Variants in SH2D4A observed in about 807,000 individuals in gnomAD.
SH2D4A encodes the protein SH2 domain containing 4A.
In SH2D4A, 70 loss-of-function variants were observed where a neutral mutation model predicts 64.7. That is an observed-to-expected ratio of 1.08 (90% CI 0.89 to 1.32). The LOEUF (loss-of-function observed/expected upper bound fraction) is 1.32. SH2D4A is among the 40% of genes most tolerant of loss of function. The pLI is 0.00. For missense variants in SH2D4A, 706 were observed against 540.1 expected (o/e 1.31, Z -3.04); for synonymous variants, 268 against 200.7 (o/e 1.34, Z -2.83).
At position 19,357,141 on chromosome 8, in the gene SH2D4A, A is replaced by T. The variant is rs1044238688; in HGVS notation, c.514-62A>T. The T allele has an allele frequency of 2.8e-4, 375 of 1,316,660 alleles. 4 individuals are homozygous for T. The South Asian group carries it at 3.2e-3, about 11-fold the overall frequency. The allele number at this position is 1,316,660 out of a possible 1,614,324, so 81.6% of individuals were successfully genotyped here. ...AGGGAAACCAGGGAAACATTGACAG[A>T]TTATCTTATGAAACTGCACTGCAGC... On this transcript the variant is annotated intron_variant, in intron 4 of 9. Transcript: ENST00000265807.
Position 19,333,109 on chromosome 8 carries a change from G to A in SH2D4A, c.336G>A (p.Glu112=), listed in dbSNP as rs768413855. The A allele has an allele frequency of 5.0e-6, 8 of 1,609,352 alleles. No individual in the cohort carries two copies. In the Admixed American group the frequency reaches 1.4e-4, roughly 27 times the overall value. The change falls in exon 3 of 10, where the codon GAG becomes GAA. Residue 112 remains glutamate (E), a synonymous_variant. Transcript: ENST00000265807. ...ARLKAEQEAE[E]PRKTHSEEFT... is the part of the protein sequence containing the mutation. Reference sequence around the variant, plus strand: ...TGAAAGCAGAACAGGAGGCAGAAGAGCCCAGGTATGAGATCTGCAAACCAA... The same window carrying A: ...TGAAAGCAGAACAGGAGGCAGAAGAACCCAGGTATGAGATCTGCAAACCAA...
intron 1 of SH2D4A, among the ~76,000 whole-genome samples, chr8:19,317,072 TG>T (rs1227775388): frequency 6.6e-6 from 1 of 152,182 alleles, no homozygotes; most frequent in Non-Finnish European, 1.5e-5. Flanking sequence ...GCATTCAAAA[TG>T]GGGAACACAG....
At chr8:19,354,279 G>A (rs2052755726) in intron 4 of SH2D4A, among the ~76,000 whole-genome samples, 1 of 152,110 alleles carries the variant, frequency 6.6e-6, no homozygotes, top group Admixed American at 6.6e-5. Flanking sequence ...GGGATTACAG[G>A]CATGAGCCAC....
chr8:19,366,461 CT>C (rs1364704399), intron 7 of SH2D4A, among the ~76,000 whole-genome samples: 3 of 152,142 alleles, frequency 2.0e-5, no homozygotes, highest in Non-Finnish European at 4.4e-5. Flanking sequence ...ACCATCCCCC[CT>C]ACTCTCCCCA....
chr8:19,366,018 CTA>C (rs35704805), intron 7 of SH2D4A, among the ~76,000 whole-genome samples: 15 of 150,038 alleles, frequency 1.0e-4, no homozygotes, highest in South Asian at 8.4e-4. Context: ...ATATGTACAA[CTA>C]TATATATATA....
chr8:19,339,096 A>G (rs1303506354), intron 4 of SH2D4A, among the ~76,000 whole-genome samples: 1 of 152,258 alleles, frequency 6.6e-6, no homozygotes, highest in Non-Finnish European at 1.5e-5. Flanking sequence ...AACCACTGGC[A>G]TAAATCCAAG....
chr8:19,315,829 A>C (rs2052078724), intron 1 of SH2D4A, among the ~76,000 whole-genome samples: 1 of 152,162 alleles, frequency 6.6e-6, no homozygotes, highest in Non-Finnish European at 1.5e-5. Flanking sequence ...TAATTTCCTG[A>C]TTTCTATTTC....
At chr8:19,366,348 T>G (rs927909708) in intron 7 of SH2D4A, among the ~76,000 whole-genome samples, 2 of 152,204 alleles carry the variant, frequency 1.3e-5, no homozygotes, top group African/African-American at 2.4e-5. Flanking sequence ...AAGTATGTAG[T>G]ACATTACTGT....
intron 5 of SH2D4A, among the ~76,000 whole-genome samples, chr8:19,357,679 G>C (rs2052814683): frequency 6.6e-6 from 1 of 152,198 alleles, no homozygotes; most frequent in Admixed American, 6.5e-5. Context: ...AGGGTGAGCA[G>C]CTGCTGTGTC....
At chr8:19,368,200 C>G (rs567881683) in intron 7 of SH2D4A, among the ~76,000 whole-genome samples, 1 of 152,060 alleles carries the variant, frequency 6.6e-6, no homozygotes, top group East Asian at 1.9e-4. Flanking sequence ...GTTCTTTATT[C>G]TGTTTCATTG....
rs118049500 is a variant in SH2D4A, at chr8:19,393,131, T to G, written c.1049-187T>G. The stretch of plus-strand genomic sequence containing the variant: ...TATACAGTTTGCCTCTATAACCTGT[T>G]CATGTCTAATTAGCAAATACCAGAA... On this transcript the variant is annotated intron_variant, in intron 8 of 9. Coordinates refer to ENST00000265807, the MANE Select transcript of SH2D4A (RefSeq NM_022071.4). 3.9e-3 allele frequency among the ~76,000 whole-genome samples: 600 copies of G among 152,308 alleles called. 2 individuals are homozygous for G. Among genetic ancestry groups the G allele is most frequent in the Non-Finnish European group, 7.1e-3 (486 of 68,024 alleles).
chr8:19,391,514 C>T (rs1211001696), intron 8 of SH2D4A, among the ~76,000 whole-genome samples: 1 of 152,128 alleles, frequency 6.6e-6, no homozygotes, highest in African/African-American at 2.4e-5. Flanking sequence ...AGGCCCTGGT[C>T]TGTTTCGAGG....
chr8:19,337,235 A>G (rs1457845142), intron 4 of SH2D4A, among the ~76,000 whole-genome samples: 1 of 152,224 alleles, frequency 6.6e-6, no homozygotes, highest in Non-Finnish European at 1.5e-5. Flanking sequence ...ACAGCAGGCC[A>G]CACAGCGAGG....
At chr8:19,363,953 A>T in intron 6 of SH2D4A, 119 bp from the exon 7 acceptor site, 1 of 870,030 alleles carries the variant, frequency 1.1e-6, no homozygotes, top group Non-Finnish European at 1.8e-6. Context: ...GTTCCTTATT[A>T]TAAGCAGACA....
chr8:19,387,541 T>C (rs2053411180), intron 8 of SH2D4A, among the ~76,000 whole-genome samples: 1 of 152,250 alleles, frequency 6.6e-6, no homozygotes, highest in African/African-American at 2.4e-5. Flanking sequence ...CATCTGGCCA[T>C]GGCCATCACA....
rs1469133187 is a variant in SH2D4A at position 19,393,495 on chromosome 8, A to G, written c.1226A>G (p.Asp409Gly). 1 of 1,614,248 alleles carries G rather than the reference A, an allele frequency of 6.2e-7. No individual in the cohort carries two copies. The highest frequency in any genetic ancestry group is 1.3e-5 in the African/African-American group (1 of 75,064). ...SADAYSFLGVDQLQHATLADL... is the reference protein window; with the variant it reads ...SADAYSFLGVGQLQHATLADL... ...GACGCCTACAGCTTCCTGGGCGTGG[A>G]CCAGCTACAGCATGCCACCTTGGCG... is the stretch of plus-strand genomic sequence containing the variant. The change falls in exon 9 of 10, where the codon GAC (aspartate) becomes GGC (glycine). Residue 409 changes from aspartate (D) to glycine (G), a missense_variant. Asp to Gly is a moderately conservative substitution (Grantham distance 94). Transcript: ENST00000265807.
chr8:19,393,551 T>A lies in SH2D4A; in HGVS notation c.1272+10T>A, dbSNP rs3780093. 2.0e-5 allele frequency: 32 copies of A among 1,613,070 alleles called. No individual in the cohort carries two copies. The highest frequency in any genetic ancestry group is 2.7e-5 in the Non-Finnish European group (32 of 1,179,574). ...GGTGGAATATCACAAGGTGAAGCAA[T>A]GCATAAACTTAATTTGCCTTCTGAG... On this transcript the variant is annotated intron_variant, in intron 9 of 9. Transcript: ENST00000265807.
intron 7 of SH2D4A, among the ~76,000 whole-genome samples, chr8:19,367,742 T>C (rs1366932445): frequency 6.6e-6 from 1 of 152,148 alleles, no homozygotes; most frequent in Non-Finnish European, 1.5e-5. Flanking sequence ...CCCATTTGTC[T>C]ATTTTTCTTC....
intron 1 of SH2D4A, 146 bp downstream of exon 1, chr8:19,313,969 C>T (rs2052040222): frequency 8.0e-7 from 1 of 1,256,132 alleles, no homozygotes; most frequent in East Asian, 3.2e-5. Flanking sequence ...CCGCCTCCAC[C>T]CCTTCGCGGC....
Sources: allele counts gnomAD v4.1 joint callset (sites outside exome capture counted in the v4.1 genomes callset), GRCh38; gene constraint gnomAD v4.1.1; transcripts MANE v1.5; gene names NCBI Gene and HGNC (gene_info 2026-07-23, HGNC 2026-07-21).